The following IKZF2 variants were observed in gnomAD, a reference collection of about 807,000 sequenced individuals.
IKZF2 encodes IKAROS family zinc finger 2, also known as zinc finger protein Helios.
Under a neutral mutation model 49.2 loss-of-function variants are expected in IKZF2, and 15 were observed. That is an observed-to-expected ratio of 0.30 (90% CI 0.20 to 0.47). The LOEUF (loss-of-function observed/expected upper bound fraction) is 0.47. IKZF2 is among the 20% of genes least tolerant of loss of function. The pLI, the probability that IKZF2 is intolerant of heterozygous loss-of-function variation, is 1.00. For missense variants in IKZF2, 567 were observed against 664.6 expected (o/e 0.85, Z 1.61); for synonymous variants, 227 against 221.4 (o/e 1.03, Z -0.23).
intron 6 of IKZF2, among the ~76,000 whole-genome samples, chr2:213,028,599 CTAAG>C (rs1248143752): frequency 6.6e-6 from 1 of 152,236 alleles, no homozygotes; most frequent in Non-Finnish European, 1.5e-5. Flanking sequence ...TAATTTAACT[CTAAG>C]TATTTCATAC....
chr2:213,024,692 TC>T (rs919531702), intron 6 of IKZF2, among the ~76,000 whole-genome samples: 11 of 152,076 alleles, frequency 7.2e-5, no homozygotes, highest in Admixed American at 2.6e-4. Flanking sequence ...TATACTTAGC[TC>T]CTTCAAAGTC....
At chr2:213,148,856 G>C (rs562592124) in intron 2 of IKZF2, among the ~76,000 whole-genome samples, 1 of 152,306 alleles carries the variant, frequency 6.6e-6, no homozygotes, top group East Asian at 1.9e-4. Flanking sequence ...GGATAGGAAA[G>C]ATAAGTGTGC....
At chr2:213,106,156 T>C (rs1008371084) in intron 4 of IKZF2, among the ~76,000 whole-genome samples, 1 of 152,182 alleles carries the variant, frequency 6.6e-6, no homozygotes, top group Non-Finnish European at 1.5e-5. Context: ...AAAAAGGCAT[T>C]ACCATAATGA....
chr2:213,121,781 T>A (rs991777803), intron 4 of IKZF2, among the ~76,000 whole-genome samples: 1 of 152,212 alleles, frequency 6.6e-6, no homozygotes, highest in African/African-American at 2.4e-5. Flanking sequence ...AATATCTGTT[T>A]CCATTCTGAA....
At chr2:213,059,436 T>C (rs930192685) in intron 4 of IKZF2, among the ~76,000 whole-genome samples, 6 of 151,708 alleles carry the variant, frequency 4.0e-5, no homozygotes, top group Admixed American at 2.6e-4. Flanking sequence ...AATTCTTCCA[T>C]GGTATTTTTT....
At chr2:213,028,159 C>G (rs1258098258) in intron 6 of IKZF2, among the ~76,000 whole-genome samples, 2 of 151,930 alleles carry the variant, frequency 1.3e-5, no homozygotes, top group Non-Finnish European at 2.9e-5. Context: ...ATTATCCTTT[C>G]CCCCCTTAAA....
intron 4 of IKZF2, among the ~76,000 whole-genome samples, chr2:213,106,341 T>C (rs919600236): frequency 2.7e-5 from 4 of 150,518 alleles, no homozygotes; most frequent in South Asian, 4.2e-4. Flanking sequence ...TAACTACTCT[T>C]ACGAAAAAAA....
Position 213,049,895 on chromosome 2 carries a change from A to G in IKZF2, c.407-15T>C. On this transcript the variant is annotated splice_polypyrimidine_tract_variant and intron_variant, in intron 5 of 8. Coordinates refer to ENST00000434687, the MANE Select transcript of IKZF2 (RefSeq NM_001387220.1). ...GGGGCGTTCACCTGCAGTAAGGAGAAGAAATGGGAAGTATCAACTAGGGTA... is the reference window on the plus strand; with the variant it reads ...GGGGCGTTCACCTGCAGTAAGGAGAGGAAATGGGAAGTATCAACTAGGGTA... The G allele has an allele frequency of 1.3e-6, 2 of 1,529,364 alleles. No individual in the cohort carries two copies. The highest frequency in any genetic ancestry group is 2.5e-5 in the South Asian group (2 of 79,994). 94.7% of individuals were successfully genotyped at this position (1,529,364 alleles called of 1,614,324 possible).
chr2:213,090,779 G>C (rs1705222670), intron 4 of IKZF2, among the ~76,000 whole-genome samples: 1 of 152,136 alleles, frequency 6.6e-6, no homozygotes, highest in Non-Finnish European at 1.5e-5. Context: ...GGAACACCAA[G>C]GAATATCAGC....
chr2:213,022,212 G>T, intron 6 of IKZF2, 82 bp from the exon 7 acceptor site: 2 of 1,304,840 alleles, frequency 1.5e-6, no homozygotes, highest in Non-Finnish European at 2.0e-6. Context: ...TTGATAGTCT[G>T]GAGGAAGCAC....
intron 8 of IKZF2, among the ~76,000 whole-genome samples, chr2:213,013,432 C>A (rs1696199055): frequency 6.6e-6 from 1 of 151,474 alleles, no homozygotes. Context: ...AAAAACCTGA[C>A]ACTAATGAAA....
At position 213,058,226 on chromosome 2, in the gene IKZF2, G is replaced by C. The variant is rs565957482; in HGVS notation, c.140-1127C>G. Reference sequence around the variant, plus strand: ...ATCAAAATGGCTCTGTGGTAGAAAAGTACTGGCATTATAATCTTGAACTAA... The same window carrying C: ...ATCAAAATGGCTCTGTGGTAGAAAACTACTGGCATTATAATCTTGAACTAA... On this transcript the variant is annotated intron_variant, in intron 4 of 8. Transcript: ENST00000434687. Among the ~76,000 whole-genome samples, 110 of 152,086 alleles carry C rather than the reference G, an allele frequency of 7.2e-4. 1 individual carries two copies. Among genetic ancestry groups the C allele is most frequent in the Non-Finnish European group, 1.3e-3 (91 of 67,960 alleles).
Position 213,119,095 on chromosome 2 carries a change from A to C in IKZF2, c.139+28613T>G, listed in dbSNP as rs574272852. ...CCACAGACAGGTTTTGGTTTGAATA[A>C]AGAAAGATTGTGAAGACACGTATCA... On this transcript the variant is annotated intron_variant, in intron 4 of 8. Coordinates refer to ENST00000434687, the MANE Select transcript of IKZF2 (RefSeq NM_001387220.1). Among the ~76,000 whole-genome samples the C allele has an allele frequency of 2.1e-3, 325 of 152,350 alleles. 1 individual carries two copies. Among genetic ancestry groups the C allele is most frequent in the African/African-American group, 7.4e-3 (309 of 41,582 alleles).
At chr2:213,032,745 G>C (rs1416623971) in intron 6 of IKZF2, among the ~76,000 whole-genome samples, 1 of 152,172 alleles carries the variant, frequency 6.6e-6, no homozygotes, top group Non-Finnish European at 1.5e-5. Context: ...ACACTGTAAA[G>C]ATAATCTGAG....
intron 4 of IKZF2, among the ~76,000 whole-genome samples, chr2:213,107,585 TC>T (rs1452973045): frequency 6.6e-6 from 1 of 152,204 alleles, no homozygotes; most frequent in Non-Finnish European, 1.5e-5. Flanking sequence ...TCAAGTTCAG[TC>T]ATTGCTGGAA....
chr2:213,121,156 G>A (rs1297712968), intron 4 of IKZF2, among the ~76,000 whole-genome samples: 6 of 152,100 alleles, frequency 3.9e-5, no homozygotes, highest in Non-Finnish European at 7.4e-5. Flanking sequence ...ATAGATACTT[G>A]CTGACTGATC....
chr2:213,052,572 T>G (rs1700774628), intron 5 of IKZF2, among the ~76,000 whole-genome samples: 1 of 152,080 alleles, frequency 6.6e-6, no homozygotes, highest in African/African-American at 2.4e-5. Flanking sequence ...CCACTTGTTT[T>G]ATTGTGTTCC....
At chr2:213,100,628 C>T (rs1195987153) in intron 4 of IKZF2, among the ~76,000 whole-genome samples, 1 of 151,938 alleles carries the variant, frequency 6.6e-6, no homozygotes, top group Non-Finnish European at 1.5e-5. Flanking sequence ...GCAATAGTCA[C>T]TAAATAAACT....
At chr2:213,100,015 T>C (rs1396522933) in intron 4 of IKZF2, among the ~76,000 whole-genome samples, 1 of 152,122 alleles carries the variant, frequency 6.6e-6, no homozygotes, top group Non-Finnish European at 1.5e-5. Context: ...CTAATATAAG[T>C]GGGTTTTTGA....
Sources: allele counts gnomAD v4.1 joint callset (sites outside exome capture counted in the v4.1 genomes callset), GRCh38; gene constraint gnomAD v4.1.1; transcripts MANE v1.5; gene names NCBI Gene and HGNC (gene_info 2026-07-23, HGNC 2026-07-21).